ZHX3: variants seen among roughly 807,000 people sequenced by gnomAD.
ZHX3 encodes zinc fingers and homeoboxes 3.
Under a neutral mutation model 64.5 loss-of-function variants are expected in ZHX3, and 20 were observed. That is an observed-to-expected ratio of 0.31 (90% CI 0.22 to 0.45). The LOEUF is 0.45. ZHX3 is among the 20% of genes least tolerant of loss of function. ZHX3 has a pLI of 1.00. For synonymous variants in ZHX3, 423 were observed against 461.6 expected, an observed-to-expected ratio of 0.92 and a Z score of 1.07; for missense variants, 1,041 against 1,195.8, an observed-to-expected ratio of 0.87 and a Z score of 1.91.
intron 1 of ZHX3, among the ~76,000 whole-genome samples, chr20:41,279,565 A>T (rs530680842): frequency 2.6e-5 from 4 of 152,188 alleles, no homozygotes; most frequent in Non-Finnish European, 5.9e-5. Context: ...GTTCATCATA[A>T]ATAATGATTA....
chr20:41,185,447 G>A lies in ZHX3; in HGVS notation c.2861-246C>T. On this transcript the variant is annotated intron_variant, in intron 3 of 3. Coordinates refer to ENST00000683867, the MANE Select transcript of ZHX3 (RefSeq NM_001384317.1). This position sits in a 1 kb window ranked among gnomAD's most constrained non-coding sequence, Gnocchi z 5.0. ...CTCTGAGAGACCCTGCTAAACCCTA[G>A]GCCTAGCAGCAGGAGCAGTGGTTTG... 1 of 587,372 alleles carries A rather than the reference G, an allele frequency of 1.7e-6. No homozygotes were observed. The allele number at this position is 587,372 out of a possible 1,614,324, so 36.4% of individuals were successfully genotyped here. A position where few individuals can be genotyped will look rare whatever the true frequency, so the allele number is the denominator to read the frequency against.
At position 41,184,127 on chromosome 20, in the gene ZHX3, G is replaced by C. The variant is rs933887815; in HGVS notation, c.*1064C>G. 6.6e-6 allele frequency: 1 copy of C among 152,178 alleles called. No homozygotes were observed. The highest frequency in any genetic ancestry group is 6.5e-5 in the Admixed American group (1 of 15,280). 9.4% of individuals were successfully genotyped at this position (152,178 alleles called of 1,614,324 possible). A position where few individuals can be genotyped will look rare whatever the true frequency, so the allele number is the denominator to read the frequency against. ...ACCACCCTACCTCTGATAATTCCAA[G>C]AAGTCAACAAATCCCTCCAGCCTTC... On this transcript the variant is annotated 3_prime_UTR_variant, in exon 4 of 4. Transcript: ENST00000683867.
At chr20:41,274,397 C>T (rs1365211134) in intron 1 of ZHX3, among the ~76,000 whole-genome samples, 2 of 152,156 alleles carry the variant, frequency 1.3e-5, no homozygotes, top group South Asian at 4.1e-4. Context: ...TTAGCTACTT[C>T]GCCAAAGATT....
chr20:41,284,777 C>G (rs1372339827), intron 1 of ZHX3, among the ~76,000 whole-genome samples: 1 of 152,120 alleles, frequency 6.6e-6, no homozygotes. Context: ...TGATCTGGAT[C>G]TAAGCCTTTA....
rs187837238 is a variant in ZHX3, at chr20:41,185,940, C to T, written c.2861-739G>A. On this transcript the variant is annotated intron_variant, in intron 3 of 3. Transcript: ENST00000683867. This position sits in a 1 kb window ranked among gnomAD's most constrained non-coding sequence, Gnocchi z 5.0. ...ATTTAGTAGCTGAGGGGAGCCAATG[C>T]TTGTCATTCAAATCCACTCATCACA... 1.3e-5 allele frequency among the ~76,000 whole-genome samples: 2 copies of T among 152,314 alleles called. No homozygotes were observed. The highest frequency in any genetic ancestry group is 3.9e-4 in the East Asian group (2 of 5,182).
Position 41,203,586 on chromosome 20 carries a change from G to A in ZHX3, c.1331C>T (p.Pro444Leu). The change falls in exon 3 of 4, where the codon CCC (proline) becomes CTC (leucine). Residue 444 changes from proline to leucine, a missense_variant. Around this residue, in one of 4 missense-constraint regions of ZHX3, gnomAD observed 649 missense variants for 739.8 expected, o/e 0.88. Coordinates refer to ENST00000683867, the MANE Select transcript of ZHX3 (RefSeq NM_001384317.1). This position sits in a 1 kb window ranked among gnomAD's most constrained non-coding sequence, Gnocchi z 7.1. ...CTTGGGGACGGATGTCACCGTGAGGGGGAGAGGGGAACTTGTTGCTTGCAA... is the reference window on the plus strand; with the variant it reads ...CTTGGGGACGGATGTCACCGTGAGGAGGAGAGGGGAACTTGTTGCTTGCAA... ...NGLQATSSPLPLTVTSVPKQP... is the reference protein window; with the variant it reads ...NGLQATSSPLLLTVTSVPKQP... 1.2e-6 allele frequency: 2 copies of A among 1,614,216 alleles called. No homozygotes were observed. The highest frequency in any genetic ancestry group is 1.7e-6 in the Non-Finnish European group (2 of 1,180,036).
At position 41,272,714 on chromosome 20, in the gene ZHX3, C is replaced by A. The variant is rs142773001; in HGVS notation, c.-244-3631G>T. Among the ~76,000 whole-genome samples the A allele has an allele frequency of 7.0e-3, 1,060 of 152,270 alleles. 8 individuals carry two copies. Among genetic ancestry groups the A allele is most frequent in the Non-Finnish European group, 9.0e-3 (614 of 67,998 alleles). Reference sequence around the variant, plus strand: ...TTGCAGCATGCATCAGTACTTCATTCCAATTTATGGCTGAAAAATATTCCA... The same window carrying A: ...TTGCAGCATGCATCAGTACTTCATTACAATTTATGGCTGAAAAATATTCCA... On this transcript the variant is annotated intron_variant, in intron 1 of 3. Coordinates refer to ENST00000683867, the MANE Select transcript of ZHX3 (RefSeq NM_001384317.1).
At position 41,182,507 on chromosome 20, in the gene ZHX3, C is replaced by T. The variant is rs549320141; in HGVS notation, c.*2684G>A. Reference sequence around the variant, plus strand: ...GCTAGTGTGGGTGTGTCTCTGTGCACGACTGGCTGGATTCAGGGTTTTGCC... The same window carrying T: ...GCTAGTGTGGGTGTGTCTCTGTGCATGACTGGCTGGATTCAGGGTTTTGCC... On this transcript the variant is annotated 3_prime_UTR_variant, in exon 4 of 4. Transcript: ENST00000683867. This position sits in a 1 kb window ranked among gnomAD's most constrained non-coding sequence, Gnocchi z 6.1. 2.0e-5 allele frequency: 3 copies of T among 152,416 alleles called. No individual in the cohort carries two copies. Among genetic ancestry groups the T allele is most frequent in the African/African-American group, 4.8e-5 (2 of 41,578 alleles). 9.4% of individuals were successfully genotyped at this position (152,416 alleles called of 1,614,324 possible).
rs1198182026 is a variant in ZHX3 at position 41,247,434 on chromosome 20, A to C, written c.-151+21556T>G. ...TTGGGCAAAGTATTGAACCTCCCAA[A>C]CCTCAGTTCTCTTTTGCACAATGGA... On this transcript the variant is annotated intron_variant, in intron 2 of 3. Transcript: ENST00000683867. 2.0e-5 allele frequency among the ~76,000 whole-genome samples: 3 copies of C among 152,072 alleles called. No homozygotes were observed. In the South Asian group the frequency reaches 6.2e-4, roughly 32 times the overall value.
chr20:41,247,572 A>G (rs1261231021), intron 2 of ZHX3, among the ~76,000 whole-genome samples: 2 of 152,154 alleles, frequency 1.3e-5, no homozygotes, highest in African/African-American at 4.8e-5. Context: ...TAACAGGAGA[A>G]TTAAGTAGCA....
chr20:41,311,790 T>C (rs2045144519), intron 1 of ZHX3, among the ~76,000 whole-genome samples: 1 of 152,256 alleles, frequency 6.6e-6, no homozygotes, highest in African/African-American at 2.4e-5. Context: ...CCATACTGGG[T>C]TCTCCCGAAG....
rs1348133463 is a variant in ZHX3 at position 41,228,850 on chromosome 20, C to T, written c.-150-23784G>A. Among the ~76,000 whole-genome samples the T allele has an allele frequency of 1.3e-5, 2 of 152,118 alleles. No homozygotes were observed. The highest frequency in any genetic ancestry group is 6.5e-5 in the Admixed American group (1 of 15,280). ...TTCCCACATGAAATGTTAATGGTCT[C>T]GGAAGCACTTAACATCTTTTCTTGG... On this transcript the variant is annotated intron_variant, in intron 2 of 3. Transcript: ENST00000683867. The surrounding 1 kb of genome is among the most constrained non-coding windows in gnomAD (Gnocchi z 4.6).
At chr20:41,229,353 T>C (rs2040457533) in intron 2 of ZHX3, among the ~76,000 whole-genome samples, 1 of 152,188 alleles carries the variant, frequency 6.6e-6, no homozygotes, top group African/African-American at 2.4e-5. Flanking sequence ...ATGAATAATG[T>C]TGCTATGAAC....
chr20:41,312,694 G>A (rs927964493), intron 1 of ZHX3, among the ~76,000 whole-genome samples: 7 of 152,196 alleles, frequency 4.6e-5, no homozygotes, highest in Admixed American at 1.3e-4. Context: ...ATCTTTCTAT[G>A]AGACAAGTGG....
rs576163273 is a variant in ZHX3 at position 41,189,515 on chromosome 20, T to C, written c.2861-4314A>G. ...TGTCCTCTTCAGTTTCTTTCATCAG[T>C]GTTTTACAGTTTTCCTTGCAGAGAT... On this transcript the variant is annotated intron_variant, in intron 3 of 3. Transcript: ENST00000683867. Among the ~76,000 whole-genome samples the C allele has an allele frequency of 2.0e-5, 3 of 152,342 alleles. No individual in the cohort carries two copies. The South Asian group carries it at 6.2e-4, about 32-fold the overall frequency.
rs1371210032 is a variant in ZHX3 at position 41,204,599 on chromosome 20, G to A, written c.318C>T (p.Asp106=). ...TGCACCCACTGCATACAAAGGTTGGGTCTTTATTAAAGTCTGTGTGCTCTG... is the reference window on the plus strand; with the variant it reads ...TGCACCCACTGCATACAAAGGTTGGATCTTTATTAAAGTCTGTGTGCTCTG... ...MNSEHTDFNK[D]PTFVCSGCSF... is the part of the protein sequence containing the mutation. The change falls in exon 3 of 4, where the codon GAC becomes GAT. Residue 106 remains aspartate (D), a synonymous_variant. Transcript: ENST00000683867. This position sits in a 1 kb window ranked among gnomAD's most constrained non-coding sequence, Gnocchi z 6.6. 6.2e-7 allele frequency: 1 copy of A among 1,614,108 alleles called. No individual in the cohort carries two copies. Among genetic ancestry groups the A allele is most frequent in the East Asian group, 2.2e-5 (1 of 44,896 alleles).
At chr20:41,196,396 T>TA (rs2037523090) in intron 3 of ZHX3, among the ~76,000 whole-genome samples, 1 of 48,688 alleles carries the variant, frequency 2.1e-5, no homozygotes, top group African/African-American at 1.4e-4. Flanking sequence ...TATATATTTA[T>TA]ATATATTATA....
At chr20:41,210,220 G>C (rs2039051685) in intron 2 of ZHX3, among the ~76,000 whole-genome samples, 1 of 152,210 alleles carries the variant, frequency 6.6e-6, no homozygotes, top group African/African-American at 2.4e-5. Flanking sequence ...AGGATGTGGA[G>C]AAATAGGAAC....
chr20:41,248,263 C>T (rs2041811327), intron 2 of ZHX3, among the ~76,000 whole-genome samples: 1 of 152,158 alleles, frequency 6.6e-6, no homozygotes, highest in Admixed American at 6.5e-5. Context: ...GTGTCTTGTA[C>T]ATTTTTCTAC....
Sources: allele counts gnomAD v4.1 joint callset (sites outside exome capture counted in the v4.1 genomes callset), GRCh38; gene constraint gnomAD v4.1.1; regional missense constraint gnomAD v4.1.1; non-coding constraint Gnocchi (gnomAD v3.1); transcripts MANE v1.5; gene names NCBI Gene and HGNC (gene_info 2026-07-23, HGNC 2026-07-21).